LRP1B: variants seen among roughly 807,000 people sequenced by gnomAD.
The protein encoded by LRP1B is LDL receptor related protein 1B, also known as low-density lipoprotein receptor-related protein 1B.
A neutral mutation model predicts 556.6 loss-of-function variants in LRP1B; 217 were observed. That is an observed-to-expected ratio of 0.39 (90% CI 0.35 to 0.44). LRP1B has a LOEUF of 0.44. Among genes scored for constraint, LRP1B ranks in the 20% least tolerant of loss-of-function variants. The pLI is 1.00. For missense variants in LRP1B, 5,053 were observed against 5,620.8 expected, an observed-to-expected ratio of 0.90 and a Z score of 3.23; for synonymous variants, 2,047 against 1,865.8, an observed-to-expected ratio of 1.10 and a Z score of -2.50.
chr2:140,960,513 C>T (rs577546162), intron 18 of LRP1B, among the ~76,000 whole-genome samples: 6 of 151,652 alleles, frequency 4.0e-5, no homozygotes, highest in Non-Finnish European at 8.9e-5. Context: ...ATTTTAAAAA[C>T]GTTTCCTGAC....
chr2:141,408,265 C>T (rs1424525112), intron 3 of LRP1B, among the ~76,000 whole-genome samples: 1 of 151,682 alleles, frequency 6.6e-6, no homozygotes, highest in South Asian at 2.1e-4. Flanking sequence ...GCCTCAGCCT[C>T]CCAAGTAGCT....
intron 2 of LRP1B, among the ~76,000 whole-genome samples, chr2:141,792,258 A>G (rs189114532): frequency 3.3e-5 from 5 of 152,136 alleles, no homozygotes; most frequent in African/African-American, 1.2e-4. Flanking sequence ...AATAAAAAAG[A>G]AAAGTAAATA....
intron 41 of LRP1B, among the ~76,000 whole-genome samples, chr2:140,690,579 G>T (rs1027080642): frequency 1.3e-5 from 2 of 152,096 alleles, no homozygotes; most frequent in African/African-American, 4.8e-5. Context: ...ATAGACTCAG[G>T]AAATTTTGAA....
chr2:141,276,612 GC>G (rs1685298182), intron 3 of LRP1B, among the ~76,000 whole-genome samples: 1 of 150,918 alleles, frequency 6.6e-6, no homozygotes, highest in Non-Finnish European at 1.5e-5. Flanking sequence ...CCATGTTGAT[GC>G]AAAGGATATA....
chr2:141,319,256 A>G (rs1687141453), intron 3 of LRP1B, among the ~76,000 whole-genome samples: 1 of 149,008 alleles, frequency 6.7e-6, no homozygotes, highest in African/African-American at 2.5e-5. Flanking sequence ...TTGACCATTA[A>G]TATTGCTATT....
rs539770092 is a variant in LRP1B at position 141,581,340 on chromosome 2, CT to C, written c.206-100808del. Among the ~76,000 whole-genome samples the C allele has an allele frequency of 1.1e-4, 16 of 152,298 alleles. No homozygotes were observed. In the South Asian group the frequency reaches 3.3e-3, roughly 32 times the overall value. On this transcript the variant is annotated intron_variant, in intron 2 of 90. Coordinates refer to ENST00000389484, the MANE Select transcript of LRP1B (RefSeq NM_018557.3). ...TAATACACTTTAAGCTCCCCAATGACTTTTCCCATCTCACTTCTTGACTAGT... is the reference window on the plus strand; with the variant it reads ...TAATACACTTTAAGCTCCCCAATGACTTTCCCATCTCACTTCTTGACTAGT...
chr2:140,439,844 C>T (rs902161341), intron 66 of LRP1B, among the ~76,000 whole-genome samples: 1 of 151,802 alleles, frequency 6.6e-6, no homozygotes, highest in African/African-American at 2.4e-5. Context: ...AGGCTAAATT[C>T]AATAAACATG....
At chr2:140,928,771 G>A (rs1227847545) in intron 20 of LRP1B, among the ~76,000 whole-genome samples, 1 of 152,104 alleles carries the variant, frequency 6.6e-6, no homozygotes, top group Non-Finnish European at 1.5e-5. Context: ...TGACACTTGA[G>A]TGAGACCAAA....
intron 2 of LRP1B, among the ~76,000 whole-genome samples, chr2:141,744,291 T>A (rs1324337900): frequency 1.3e-5 from 2 of 152,182 alleles, no homozygotes; most frequent in African/African-American, 4.8e-5. Context: ...TTTGTATAGT[T>A]TCCAAAATTC....
intron 2 of LRP1B, among the ~76,000 whole-genome samples, chr2:141,548,909 A>T (rs1157223758): frequency 1.3e-5 from 2 of 152,082 alleles, no homozygotes; most frequent in African/African-American, 4.8e-5. Context: ...TAATCCCCTG[A>T]AGTATGAAAT....
intron 2 of LRP1B, among the ~76,000 whole-genome samples, chr2:141,589,846 T>G (rs1391826092): frequency 6.6e-6 from 1 of 152,154 alleles, no homozygotes; most frequent in Non-Finnish European, 1.5e-5. Flanking sequence ...ACAAATTAAG[T>G]TATGTCTGGA....
intron 1 of LRP1B, among the ~76,000 whole-genome samples, chr2:141,819,262 A>G (rs1010205391): frequency 1.3e-5 from 2 of 152,182 alleles, no homozygotes; most frequent in African/African-American, 4.8e-5. Flanking sequence ...CAAACAAAAA[A>G]AAAAACAAAA....
intron 6 of LRP1B, among the ~76,000 whole-genome samples, chr2:141,214,457 C>A (rs1311405836): frequency 6.6e-6 from 1 of 152,224 alleles, no homozygotes; most frequent in Non-Finnish European, 1.5e-5. Flanking sequence ...TCTCCTAATG[C>A]ACACATCATT....
chr2:141,407,955 A>G (rs1032874439), intron 3 of LRP1B, among the ~76,000 whole-genome samples: 17 of 152,180 alleles, frequency 1.1e-4, no homozygotes, highest in Admixed American at 2.0e-4. Flanking sequence ...AATTCAGAGT[A>G]ATGGCAGAAT....
chr2:142,101,982 T>A (rs1351765589), intron 1 of LRP1B, among the ~76,000 whole-genome samples: 1 of 151,864 alleles, frequency 6.6e-6, no homozygotes, highest in African/African-American at 2.4e-5. Flanking sequence ...AGTTCTGAGA[T>A]GTTAAATAAT....
intron 3 of LRP1B, among the ~76,000 whole-genome samples, chr2:141,330,774 A>G (rs1307339988): frequency 2.3e-5 from 3 of 128,630 alleles, no homozygotes; most frequent in African/African-American, 8.9e-5. Context: ...TTTTTTTGAG[A>G]CAGAGTCTCG....
At chr2:141,608,609 C>T (rs1031777239) in intron 2 of LRP1B, among the ~76,000 whole-genome samples, 16 of 151,986 alleles carry the variant, frequency 1.1e-4, no homozygotes, top group Admixed American at 3.9e-4. Context: ...AGATGACTTA[C>T]TTTTTTTTAA....
intron 67 of LRP1B, among the ~76,000 whole-genome samples, chr2:140,382,137 T>C (rs912290532): frequency 2.0e-5 from 3 of 152,192 alleles, no homozygotes; most frequent in Non-Finnish European, 1.5e-5. Context: ...TCAAAAGTTA[T>C]ATGAATGTCG....
Position 140,261,592 on chromosome 2 carries a change from C to T in LRP1B, c.13247+8650G>A, listed in dbSNP as rs531768078. 5.5e-4 allele frequency among the ~76,000 whole-genome samples: 84 copies of T among 151,358 alleles called. No homozygotes were observed. The Middle Eastern group carries it at 0.014, about 25-fold the overall frequency. The stretch of plus-strand genomic sequence containing the variant: ...GGTTGAATAACCTAATTATTAACAC[C>T]GTTGAATAACCAACGGTGTTGGTTA... On this transcript the variant is annotated intron_variant, in intron 86 of 90. Transcript: ENST00000389484.
Sources: gnomAD v4.1 joint callset for allele counts (sites outside exome capture counted in the v4.1 genomes callset) on GRCh38, gnomAD v4.1.1 for gene constraint, MANE v1.5 for transcripts, NCBI Gene and HGNC (gene_info 2026-07-23, HGNC 2026-07-21) for gene names.